The following SARNP variants were observed in gnomAD, a reference collection of about 807,000 sequenced individuals.
SARNP encodes the protein SAP domain containing ribonucleoprotein.
A neutral mutation model predicts 38.1 loss-of-function variants in SARNP; 5 were observed. That is an observed-to-expected ratio of 0.13 (90% CI 0.07 to 0.28). SARNP has a LOEUF of 0.28. Among genes scored for constraint, SARNP ranks in the 10% least tolerant of loss-of-function variants. The pLI, the probability that SARNP is intolerant of heterozygous loss-of-function variation, is 1.00. For synonymous variants in SARNP, 84 were observed against 80.6 expected (o/e 1.04, Z -0.23); for missense variants, 180 against 243.9 (o/e 0.74, Z 1.75).
intron 10 of SARNP, among the ~76,000 whole-genome samples, chr12:55,759,741 G>A (rs1031736221): frequency 8.3e-5 from 12 of 144,252 alleles, no homozygotes; most frequent in Admixed American, 6.2e-4. Flanking sequence ...ATGCCCGGCC[G>A]CCTTTTTCTT....
At chr12:55,762,209 C>T (rs2136176907) in intron 9 of SARNP, among the ~76,000 whole-genome samples, 1 of 152,236 alleles carries the variant, frequency 6.6e-6, no homozygotes, top group African/African-American at 2.4e-5. Context: ...ATAGCTTGAA[C>T]CCAGGAGGCG....
intron 9 of SARNP, among the ~76,000 whole-genome samples, chr12:55,779,641 G>T (rs1879283944): frequency 1.3e-5 from 2 of 152,038 alleles, no homozygotes; most frequent in Admixed American, 1.3e-4. Context: ...GGTTTATACA[G>T]CCATACTTAA....
chr12:55,761,295 A>G (rs759251795), intron 9 of SARNP, among the ~76,000 whole-genome samples: 10 of 152,234 alleles, frequency 6.6e-5, no homozygotes, highest in African/African-American at 2.2e-4. Context: ...AATAACACCC[A>G]AAGTTACACC....
intron 10 of SARNP, among the ~76,000 whole-genome samples, chr12:55,758,115 C>G (rs1878568885): frequency 6.6e-6 from 1 of 152,064 alleles, no homozygotes; most frequent in South Asian, 2.1e-4. Context: ...GAGTCCCTAT[C>G]ATAGATCTCT....
chr12:55,765,991 C>G (rs1833309523), intron 9 of SARNP, among the ~76,000 whole-genome samples: 1 of 152,154 alleles, frequency 6.6e-6, no homozygotes, highest in Non-Finnish European at 1.5e-5. Flanking sequence ...GGTTTTGATT[C>G]ATGGGATGGT....
At chr12:55,755,796 A>C (rs561495485), downstream of SARNP, 1 of 152,274 alleles carries the variant, frequency 6.6e-6, no homozygotes, top group South Asian at 2.1e-4. Flanking sequence ...AATAAGAAAA[A>C]AAAAAAAATC....
chr12:55,764,563 G>A (rs370767223), intron 9 of SARNP, among the ~76,000 whole-genome samples: 3 of 149,798 alleles, frequency 2.0e-5, no homozygotes, highest in African/African-American at 4.9e-5. Context: ...AAGGCTGGGC[G>A]CAGTGGCTCA....
At position 55,757,399 on chromosome 12, in the gene SARNP, C is replaced by G; in HGVS notation, c.*113G>C. 1.3e-6 allele frequency: 1 copy of G among 770,850 alleles called. No individual in the cohort carries two copies. The highest frequency in any genetic ancestry group is 2.0e-6 in the Non-Finnish European group (1 of 502,032). 47.8% of individuals were successfully genotyped at this position (770,850 alleles called of 1,614,324 possible). A position where few individuals can be genotyped will look rare whatever the true frequency, so the allele number is the denominator to read the frequency against. On this transcript the variant is annotated 3_prime_UTR_variant, in exon 11 of 11. Transcript: ENST00000336133. The stretch of plus-strand genomic sequence containing the variant: ...TGGATGTACCTGGGGTACATGCTCC[C>G]TCATTGCGAGGCAGGACGTAGGCAC...
chr12:55,760,687 A>C (rs2136175890), intron 9 of SARNP, 47 bp from the exon 10 acceptor site: 2 of 1,278,654 alleles, frequency 1.6e-6, no homozygotes, highest in East Asian at 4.6e-5. Context: ...GCCTCCATTC[A>C]CCAAGTAAAT....
chr12:55,760,877 G>A (rs900896966), intron 9 of SARNP: 5 of 431,046 alleles, frequency 1.2e-5, no homozygotes, highest in Non-Finnish European at 2.1e-5. Flanking sequence ...AGACAAGTAG[G>A]GTAAAGAAAC....
At chr12:55,767,564 C>T (rs1878874983) in intron 9 of SARNP, among the ~76,000 whole-genome samples, 1 of 151,564 alleles carries the variant, frequency 6.6e-6, no homozygotes, top group South Asian at 2.1e-4. Context: ...TATACAAATA[C>T]AAGCCGGGCA....
chr12:55,772,862 G>A (rs750065056), intron 9 of SARNP, among the ~76,000 whole-genome samples: 5 of 151,864 alleles, frequency 3.3e-5, no homozygotes, highest in Admixed American at 6.6e-5. Context: ...TTACAGGCAC[G>A]CAACACCACG....
intron 1 of SARNP, among the ~76,000 whole-genome samples, chr12:55,814,930 T>G (rs1260571755): frequency 6.6e-6 from 1 of 152,156 alleles, no homozygotes; most frequent in African/African-American, 2.4e-5. Flanking sequence ...AATTTGCTGT[T>G]GATATGACAT....
chr12:55,794,672 G>A, intron 6 of SARNP, 135 bp downstream of exon 6: 1 of 654,566 alleles, frequency 1.5e-6, no homozygotes, highest in Non-Finnish European at 2.7e-6. Flanking sequence ...TTCTGAATAG[G>A]GTCAAAAAAG....
At chr12:55,785,984 C>T (rs1370440329) in intron 9 of SARNP, among the ~76,000 whole-genome samples, 2 of 152,082 alleles carry the variant, frequency 1.3e-5, no homozygotes, top group Non-Finnish European at 2.9e-5. Context: ...CTAGTTATTG[C>T]TCTAAGTCTT....
At chr12:55,804,548 G>A (rs974630249) in intron 1 of SARNP, among the ~76,000 whole-genome samples, 2 of 152,100 alleles carry the variant, frequency 1.3e-5, no homozygotes, top group Non-Finnish European at 2.9e-5. Context: ...CTGGGTAAGG[G>A]AGGATTGGCT....
chr12:55,774,790 T>C (rs545268421), intron 9 of SARNP, among the ~76,000 whole-genome samples: 15 of 151,706 alleles, frequency 9.9e-5, no homozygotes, highest in African/African-American at 3.4e-4. Context: ...ATAATCTCCT[T>C]CTCAGTTACG....
chr12:55,776,904 C>G (rs966857768), intron 9 of SARNP, among the ~76,000 whole-genome samples: 1 of 152,152 alleles, frequency 6.6e-6, no homozygotes, highest in South Asian at 2.1e-4. Context: ...CTGGCAAAAA[C>G]AAACTGAATA....
chr12:55,787,050 G>A (rs1254498879), intron 9 of SARNP, among the ~76,000 whole-genome samples: 1 of 151,744 alleles, frequency 6.6e-6, no homozygotes, highest in African/African-American at 2.4e-5. Context: ...GCAACACAGA[G>A]AGACCTCATC....
Sources: gnomAD v4.1 joint callset for allele counts (sites outside exome capture counted in the v4.1 genomes callset) on GRCh38, gnomAD v4.1.1 for gene constraint, MANE v1.5 for transcripts, NCBI Gene and HGNC (gene_info 2026-07-23, HGNC 2026-07-21) for gene names.